The following PTPRG variants were observed in gnomAD, a reference collection of about 807,000 sequenced individuals.
PTPRG encodes the protein receptor-type tyrosine-protein phosphatase gamma.
Under a neutral mutation model 165.3 loss-of-function variants are expected in PTPRG, and 102 were observed. The ratio of observed to expected loss-of-function variants is 0.62; its 90% CI spans 0.53 to 0.73. The LOEUF is 0.73. PTPRG is among the 30% of genes least tolerant of loss of function. The pLI is 0.00. For synonymous variants in PTPRG, 675 were observed against 669.5 expected (o/e 1.01, Z -0.13); for missense variants, 1,866 against 1,861.4 (o/e 1.00, Z -0.05).
At chr3:61,743,470 A>G (rs1206255712) in intron 1 of PTPRG, among the ~76,000 whole-genome samples, 2 of 152,000 alleles carry the variant, frequency 1.3e-5, no homozygotes, top group African/African-American at 4.8e-5. Flanking sequence ...CTTAAATGTG[A>G]TATTCCTGAT....
intron 2 of PTPRG, among the ~76,000 whole-genome samples, chr3:61,823,853 G>A (rs1393943502): frequency 6.6e-6 from 1 of 152,102 alleles, no homozygotes; most frequent in Non-Finnish European, 1.5e-5. Context: ...GAAGCTGGGT[G>A]CAGTGGCTCA....
intron 2 of PTPRG, among the ~76,000 whole-genome samples, chr3:61,908,245 G>A (rs1364139088): frequency 2.0e-4 from 30 of 151,280 alleles, no homozygotes; most frequent in Non-Finnish European, 2.9e-5. Context: ...GGCCAACACG[G>A]TGAAACCCTG....
At chr3:62,098,394 G>T (rs1702185105) in intron 5 of PTPRG, among the ~76,000 whole-genome samples, 1 of 152,164 alleles carries the variant, frequency 6.6e-6, no homozygotes, top group African/African-American at 2.4e-5. Flanking sequence ...TAGGCTGTAT[G>T]GAAATACTAC....
At chr3:61,918,277 G>C (rs2038990946) in intron 2 of PTPRG, among the ~76,000 whole-genome samples, 1 of 152,102 alleles carries the variant, frequency 6.6e-6, no homozygotes, top group African/African-American at 2.4e-5. Context: ...AGAGAAACGA[G>C]AATTAAGTAC....
At chr3:61,657,087 G>A (rs981869319) in intron 1 of PTPRG, among the ~76,000 whole-genome samples, 3 of 152,282 alleles carry the variant, frequency 2.0e-5, no homozygotes, top group East Asian at 1.9e-4. Context: ...CCAAAGCAAC[G>A]GGGAAAACTG....
rs150553191 is a variant in PTPRG at position 61,835,252 on chromosome 3, C to T, written c.190+86270C>T. On this transcript the variant is annotated intron_variant, in intron 2 of 29. Transcript: ENST00000474889. ...TTGAGAGAAAAGGGCTTAGGTTATT[C>T]CATTAGCCTCTGGTCAGCCCTTCCT... is the stretch of plus-strand genomic sequence containing the variant. Among the ~76,000 whole-genome samples the T allele has an allele frequency of 1.7e-4, 26 of 152,228 alleles. No individual in the cohort carries two copies. The East Asian group carries it at 4.5e-3, about 26-fold the overall frequency.
intron 2 of PTPRG, among the ~76,000 whole-genome samples, chr3:61,775,765 A>G (rs182830879): frequency 2.0e-3 from 305 of 152,266 alleles, no homozygotes; most frequent in Admixed American, 6.3e-3. Context: ...CCATGAGTTC[A>G]TGTCCTTTGT....
intron 1 of PTPRG, 90 bp downstream of exon 1, chr3:61,562,462 TCCG>T: frequency 7.9e-7 from 1 of 1,268,368 alleles, no homozygotes; most frequent in Admixed American, 1.8e-5. Flanking sequence ...CCGGCGCCCG[TCCG>T]GGAGACCCTG....
chr3:61,915,085 C>T (rs1319222544), intron 2 of PTPRG, among the ~76,000 whole-genome samples: 5 of 152,046 alleles, frequency 3.3e-5, no homozygotes, highest in Admixed American at 1.3e-4. Flanking sequence ...AAAAATTAGC[C>T]GGGCGTGGTG....
chr3:62,282,749 G>T lies in PTPRG; in HGVS notation c.3935G>T (p.Arg1312Leu). 6.2e-7 allele frequency: 1 copy of T among 1,611,420 alleles called. No individual in the cohort carries two copies. ...CAGGATGACTATGTCTTAGAAGTTC[G>T]GCACTTTCAGTGTCCCAAATGGCCT... ...ATQDDYVLEVRHFQCPKWPNP... is the reference protein window; with the variant it reads ...ATQDDYVLEVLHFQCPKWPNP... Residue 1312 changes from arginine (R) to leucine (L), a missense_variant, in exon 28 of 30, where the codon CGG (arginine) becomes CTG (leucine). By Grantham distance (102) the Arg-to-Leu change is moderately radical. Transcript: ENST00000474889.
chr3:61,584,238 A>G (rs1289759489), intron 1 of PTPRG, among the ~76,000 whole-genome samples: 2 of 152,210 alleles, frequency 1.3e-5, no homozygotes, highest in Non-Finnish European at 2.9e-5. Context: ...CAACATTTAG[A>G]GCCTGAATTA....
intron 4 of PTPRG, among the ~76,000 whole-genome samples, chr3:62,048,980 A>T (rs544602322): frequency 5.3e-5 from 8 of 152,346 alleles, no homozygotes; most frequent in African/African-American, 1.9e-4. Flanking sequence ...TTCAAAAGGG[A>T]TACAATATGT....
chr3:62,011,576 T>C (rs1246080874), intron 4 of PTPRG, among the ~76,000 whole-genome samples: 1 of 152,230 alleles, frequency 6.6e-6, no homozygotes, highest in Admixed American at 6.5e-5. Flanking sequence ...GTTAATGACT[T>C]TATTGAAATA....
intron 2 of PTPRG, among the ~76,000 whole-genome samples, chr3:61,843,627 A>T (rs1357266969): frequency 1.3e-5 from 2 of 152,178 alleles, no homozygotes; most frequent in Non-Finnish European, 2.9e-5. Context: ...TAAGAGGTTT[A>T]TCCCTAAGGC....
chr3:61,961,422 A>C (rs1311113936), intron 2 of PTPRG, among the ~76,000 whole-genome samples: 1 of 152,168 alleles, frequency 6.6e-6, no homozygotes, highest in Non-Finnish European at 1.5e-5. Context: ...ACTTAATTAA[A>C]TAAATGAAAA....
intron 8 of PTPRG, among the ~76,000 whole-genome samples, chr3:62,170,881 A>G (rs1375915140): frequency 6.6e-6 from 1 of 152,170 alleles, no homozygotes; most frequent in Admixed American, 6.5e-5. Flanking sequence ...CTGAGTAACA[A>G]GCACCTAGAT....
chr3:61,833,253 A>G (rs1198518257), intron 2 of PTPRG, among the ~76,000 whole-genome samples: 1 of 152,212 alleles, frequency 6.6e-6, no homozygotes, highest in Non-Finnish European at 1.5e-5. Context: ...TATATACTAT[A>G]GGACTTTCAC....
intron 4 of PTPRG, among the ~76,000 whole-genome samples, chr3:62,067,256 C>CTT (rs59784449): frequency 2.9e-5 from 4 of 139,986 alleles, no homozygotes; most frequent in African/African-American, 1.0e-4. Context: ...TAATTCTTTT[C>CTT]TTTTTTTTTT....
intron 5 of PTPRG, among the ~76,000 whole-genome samples, chr3:62,107,521 A>G (rs1702514313): frequency 6.6e-6 from 1 of 152,262 alleles, no homozygotes; most frequent in African/African-American, 2.4e-5. Flanking sequence ...TGCTATAAAT[A>G]CCAGTGTATA....
Sources: allele counts gnomAD v4.1 joint callset (sites outside exome capture counted in the v4.1 genomes callset), GRCh38; gene constraint gnomAD v4.1.1; transcripts MANE v1.5; gene names NCBI Gene and HGNC (gene_info 2026-07-23, HGNC 2026-07-21).